USP31: variants seen among roughly 807,000 people sequenced by gnomAD.
USP31 encodes the protein ubiquitin carboxyl-terminal hydrolase 31.
USP31 carries 44 observed loss-of-function variants against 119.4 expected under a neutral mutation model. The ratio of observed to expected loss-of-function variants is 0.37; its 90% confidence interval spans 0.29 to 0.47. USP31 has a LOEUF of 0.47. Ranked by LOEUF, USP31 falls within the 20% of genes least tolerant of loss-of-function variation. USP31 has a pLI of 0.99. For synonymous variants in USP31, 749 were observed against 705.6 expected, an observed-to-expected ratio of 1.06 and a Z score of -0.97; for missense variants, 1,643 against 1,730.2, an observed-to-expected ratio of 0.95 and a Z score of 0.89.
chr16:23,102,770 T>C (rs1901937207), intron 5 of USP31, among the ~76,000 whole-genome samples: 1 of 152,236 alleles, frequency 6.6e-6, no homozygotes, highest in Non-Finnish European at 1.5e-5. Context: ...GAGTCTATTT[T>C]TTCTTGTCAT....
At chr16:23,135,123 A>G (rs964142673) in intron 1 of USP31, among the ~76,000 whole-genome samples, 1 of 145,772 alleles carries the variant, frequency 6.9e-6, no homozygotes, top group Non-Finnish European at 1.5e-5. Context: ...AAAATTCAAC[A>G]CTCTTTCATG....
intron 6 of USP31, among the ~76,000 whole-genome samples, chr16:23,099,880 A>C (rs2141864808): frequency 6.6e-6 from 1 of 152,356 alleles, no homozygotes; most frequent in Non-Finnish European, 1.5e-5. Flanking sequence ...ATTTGAATGG[A>C]CATTTTTCCA....
intron 1 of USP31, among the ~76,000 whole-genome samples, chr16:23,134,087 T>TCACA (rs985086998): frequency 3.6e-5 from 4 of 112,392 alleles, no homozygotes; most frequent in Non-Finnish European, 7.8e-5. Context: ...TCTCTCTCTC[T>TCACA]CTCACACACA....
intron 7 of USP31, among the ~76,000 whole-genome samples, chr16:23,089,396 T>C (rs1049480991): frequency 1.2e-4 from 18 of 152,210 alleles, no homozygotes; most frequent in African/African-American, 3.9e-4. Flanking sequence ...TGCTTGTTCA[T>C]AGTCGGTCTG....
chr16:23,137,313 G>A (rs998165437), intron 1 of USP31, among the ~76,000 whole-genome samples: 10 of 152,158 alleles, frequency 6.6e-5, no homozygotes, highest in African/African-American at 2.4e-4. Flanking sequence ...TGAAGATGCA[G>A]AAAAATCAGA....
At chr16:23,079,709 T>G (rs1900731455) in intron 13 of USP31, 2 of 411,214 alleles carry the variant, frequency 4.9e-6, no homozygotes, top group Non-Finnish European at 8.6e-6. Context: ...CAATGCCATC[T>G]GCACATACCA....
At chr16:23,073,193 T>C (rs1449350398) in intron 14 of USP31, among the ~76,000 whole-genome samples, 1 of 152,152 alleles carries the variant, frequency 6.6e-6, no homozygotes, top group Non-Finnish European at 1.5e-5. Flanking sequence ...CCACCTAATA[T>C]TATCACAGCC....
intron 1 of USP31, among the ~76,000 whole-genome samples, chr16:23,108,518 T>C (rs577482067): frequency 1.3e-5 from 2 of 152,208 alleles, no homozygotes; most frequent in South Asian, 2.1e-4. Context: ...AAAAAGAGAA[T>C]TGGTTAAGAG....
At chr16:23,101,296 C>T (rs574242322) in intron 6 of USP31, among the ~76,000 whole-genome samples, 20 of 152,176 alleles carry the variant, frequency 1.3e-4, no homozygotes, top group Admixed American at 5.9e-4. Context: ...AAGCTTGGAT[C>T]CAGTTTGAGT....
intron 1 of USP31, among the ~76,000 whole-genome samples, chr16:23,136,247 C>G (rs1397923179): frequency 6.6e-6 from 1 of 152,150 alleles, no homozygotes; most frequent in East Asian, 1.9e-4. Context: ...AACTATAAAA[C>G]TCTCAGAAGA....
At chr16:23,126,686 CCT>C (rs1902869386) in intron 1 of USP31, among the ~76,000 whole-genome samples, 1 of 151,388 alleles carries the variant, frequency 6.6e-6, no homozygotes, top group Admixed American at 6.6e-5. Flanking sequence ...CACAGAAATA[CCT>C]CTGTCTCCAA....
chr16:23,145,083 C>G (rs976221657), intron 1 of USP31, among the ~76,000 whole-genome samples: 6 of 152,160 alleles, frequency 3.9e-5, no homozygotes, highest in African/African-American at 1.4e-4. Context: ...AATGTCTATT[C>G]CCCAAAACCA....
At chr16:23,085,487 G>A in intron 10 of USP31, 98 bp downstream of exon 10, 1 of 1,098,446 alleles carries the variant, frequency 9.1e-7, no homozygotes, top group African/African-American at 1.6e-5. Flanking sequence ...AAAGAGAAGA[G>A]AGATTTGTGT....
intron 12 of USP31, among the ~76,000 whole-genome samples, chr16:23,081,059 CA>C (rs1900799190): frequency 1.3e-5 from 2 of 152,134 alleles, no homozygotes; most frequent in Admixed American, 1.3e-4. Context: ...TGAAAAGCAA[CA>C]AAATGTCTGA....
chr16:23,084,313 T>C (rs1462027414), intron 11 of USP31, among the ~76,000 whole-genome samples: 1 of 152,218 alleles, frequency 6.6e-6, no homozygotes, highest in Admixed American at 6.5e-5. Flanking sequence ...ACTGGGTCCC[T>C]ACTACCTGCG....
rs1471962651 is a variant in USP31, at chr16:23,082,445, A to T, written c.1943T>A (p.Phe648Tyr). The change falls in exon 12 of 16, where the codon TTT becomes TAT. Residue 648 changes from phenylalanine to tyrosine, a missense_variant. Around this residue, in one of 5 missense-constraint regions of USP31, gnomAD observed 279 missense variants for 372.2 expected, o/e 0.75. Transcript: ENST00000219689. ...PDVLIIHLKR[F>Y]RQEGDRRMKL... ...GATAAAGGATTTCCATACCTGCCGA[A>T]ATCTCTTTAGATGTATAATAAGCAC... The T allele has an allele frequency of 3.1e-6, 5 of 1,613,902 alleles. No individual in the cohort carries two copies. The highest frequency in any genetic ancestry group is 1.3e-5 in the African/African-American group (1 of 74,928).
At chr16:23,106,156 G>GA in intron 4 of USP31, 57 bp downstream of exon 4, 2 of 1,586,412 alleles carry the variant, frequency 1.3e-6, no homozygotes, top group South Asian at 2.2e-5. Context: ...GGAGCCTACA[G>GA]AGGCAAAGGG....
intron 1 of USP31, among the ~76,000 whole-genome samples, chr16:23,122,359 C>CT (rs1567243304): frequency 1.3e-5 from 2 of 152,156 alleles, no homozygotes; most frequent in Non-Finnish European, 2.9e-5. Flanking sequence ...TCACACAGTG[C>CT]TCGTGGGAAT....
In USP31 at chr16:23,082,367, G is replaced by C. The variant is rs369411542; in HGVS notation, c.1950+71C>G. ...ACAGGTATACCAAAGAACCCTCACA[G>C]AGCCCATCAGCAGGGGGCATAAGAA... On this transcript the variant is annotated intron_variant, in intron 12 of 15. Transcript: ENST00000219689. 30 of 1,588,592 alleles carry C rather than the reference G, an allele frequency of 1.9e-5. No homozygotes were observed. The East Asian group carries it at 2.0e-4, about 11-fold the overall frequency.
Sources: gnomAD v4.1 joint callset for allele counts (sites outside exome capture counted in the v4.1 genomes callset) on GRCh38, gnomAD v4.1.1 for gene constraint, gnomAD v4.1.1 regional missense constraint, MANE v1.5 for transcripts, NCBI Gene and HGNC (gene_info 2026-07-23, HGNC 2026-07-21) for gene names.